Variants in CHD7 observed in about 807,000 individuals in gnomAD.
CHD7 encodes the protein ATP-dependent chromatin remodeler CHD7.
Under a neutral mutation model 307.3 loss-of-function variants are expected in CHD7, and 24 were observed. That is an observed-to-expected ratio of 0.08 (90% CI 0.06 to 0.11). The LOEUF (loss-of-function observed/expected upper bound fraction) is 0.11, where lower values mean the gene tolerates loss of function less well. Among genes scored for constraint, CHD7 ranks in the 10% least tolerant of loss-of-function variants. The pLI is 1.00. For missense variants in CHD7, 3,106 were observed against 3,727.1 expected, an observed-to-expected ratio of 0.83 and a Z score of 4.34; for synonymous variants, 1,363 against 1,349.9, an observed-to-expected ratio of 1.01 and a Z score of -0.21.
At chr8:60,782,542 A>G (rs1350436887) in intron 3 of CHD7, among the ~76,000 whole-genome samples, 1 of 152,218 alleles carries the variant, frequency 6.6e-6, no homozygotes, top group Admixed American at 6.5e-5. Context: ...CATTTAGGAA[A>G]TTTTGCCCTC....
At chr8:60,844,409 G>A (rs1030778711) in intron 21 of CHD7, among the ~76,000 whole-genome samples, 2 of 152,182 alleles carry the variant, frequency 1.3e-5, no homozygotes, top group Non-Finnish European at 2.9e-5. Context: ...TTAGAGGTGG[G>A]TTGATGCGGC....
At position 60,866,195 on chromosome 8, in the gene CHD7, T is replaced by C. The variant is rs949219667; in HGVS notation, c.*262T>C. On this transcript the variant is annotated 3_prime_UTR_variant, in exon 38 of 38. Transcript: ENST00000423902. ...CTTTTTAAGGAAACTTACATAATGC[T>C]CTGCTTTTTTTTTTTCTCTTGGTAC... The C allele has an allele frequency of 1.2e-5, 4 of 327,140 alleles. No individual in the cohort carries two copies. Among genetic ancestry groups the C allele is most frequent in the Admixed American group, 4.4e-5 (1 of 22,878 alleles). 20.3% of individuals were successfully genotyped at this position (327,140 alleles called of 1,614,324 possible). A position where few individuals can be genotyped will look rare whatever the true frequency, so the allele number is the denominator to read the frequency against.
rs773047607 is a variant in CHD7 at position 60,856,565 on chromosome 8, G to A, written c.7285G>A (p.Glu2429Lys). Residue 2429 changes from glutamate (E) to lysine (K), a missense_variant, in exon 34 of 38, where the codon GAG becomes AAG. By Grantham distance (56) the Glu-to-Lys change is moderately conservative. This residue lies in a region of CHD7 where 1,030 missense variants were observed against 1,165.4 expected (regional missense o/e 0.88). Coordinates refer to ENST00000423902, the MANE Select transcript of CHD7 (RefSeq NM_017780.4). ...NLMEMVAQLR[E>K]SQVVSENGQE... is the part of the protein sequence containing the mutation. ...CATGGAGATGGTTGCCCAGCTTCGA[G>A]AGTCTCAGGTGGTCTCAGAAAATGG... The A allele has an allele frequency of 3.1e-6, 5 of 1,614,078 alleles. No homozygotes were observed.
At chr8:60,760,208 A>G (rs1474113182) in intron 2 of CHD7, among the ~76,000 whole-genome samples, 1 of 152,204 alleles carries the variant, frequency 6.6e-6, no homozygotes, top group Non-Finnish European at 1.5e-5. Flanking sequence ...GTATCTGAAG[A>G]CGGTGGAGGC....
At chr8:60,797,527 A>G (rs1812089437) in intron 4 of CHD7, among the ~76,000 whole-genome samples, 1 of 152,192 alleles carries the variant, frequency 6.6e-6, no homozygotes, top group African/African-American at 2.4e-5. Flanking sequence ...CATAAAGTGG[A>G]TTTGTCTTAG....
At chr8:60,799,398 T>C (rs1353840356) in intron 4 of CHD7, among the ~76,000 whole-genome samples, 1 of 152,234 alleles carries the variant, frequency 6.6e-6, no homozygotes, top group African/African-American at 2.4e-5. Context: ...ATCCTGCTAA[T>C]ACTGGCTATT....
intron 26 of CHD7, 127 bp from the exon 27 acceptor site, chr8:60,850,905 T>G: frequency 1.4e-6 from 1 of 723,338 alleles, no homozygotes; most frequent in East Asian, 2.7e-5. Context: ...ACTGATAGAG[T>G]TGCTTTTGAT....
Position 60,795,047 on chromosome 8 carries a change from G to A in CHD7, c.2158G>A (p.Glu720Lys). Residue 720 changes from glutamate to lysine, a missense_variant, in exon 4 of 38, where the codon GAA (glutamate) becomes AAA (lysine). This residue lies in a region of CHD7 where 998 missense variants were observed against 1,004.5 expected (regional missense o/e 0.99). Transcript: ENST00000423902. ...LKKKVNKGKT[E>K]GSENSDLDKT... ...GAAAAAGGTCAACAAGGGAAAAACAGAAGGTTCTGAAAATTCAGACTTAGA... is the reference window on the plus strand; with the variant it reads ...GAAAAAGGTCAACAAGGGAAAAACAAAAGGTTCTGAAAATTCAGACTTAGA... 1 of 1,613,848 alleles carries A rather than the reference G, an allele frequency of 6.2e-7. No homozygotes were observed. Among genetic ancestry groups the A allele is most frequent in the Non-Finnish European group, 8.5e-7 (1 of 1,179,774 alleles).
At chr8:60,840,357 C>A (rs1156808885) in intron 19 of CHD7, among the ~76,000 whole-genome samples, 1 of 152,186 alleles carries the variant, frequency 6.6e-6, no homozygotes, top group Admixed American at 6.5e-5. Context: ...AAACTTATCA[C>A]CCCTGTCTCT....
intron 19 of CHD7, among the ~76,000 whole-genome samples, chr8:60,840,116 C>CT (rs1239537185): frequency 6.6e-6 from 1 of 152,128 alleles, no homozygotes; most frequent in Non-Finnish European, 1.5e-5. Context: ...GTTTTTAACT[C>CT]TTACATTTTG....
Position 60,851,975 on chromosome 8 carries a change from A to G in CHD7, c.5666-44A>G, listed in dbSNP as rs144069341. On this transcript the variant is annotated intron_variant, in intron 28 of 37. Transcript: ENST00000423902. ...TTTTGTTGGAATACTCTGTATTGCAAGATTGCAGCTACACATTTCAAAAAT... is the reference window on the plus strand; with the variant it reads ...TTTTGTTGGAATACTCTGTATTGCAGGATTGCAGCTACACATTTCAAAAAT... 1.2e-5 allele frequency: 16 copies of G among 1,378,870 alleles called. No homozygotes were observed. The African/African-American group carries it at 1.9e-4, about 16-fold the overall frequency. 85.4% of individuals were successfully genotyped at this position (1,378,870 alleles called of 1,614,324 possible). A position where few individuals can be genotyped will look rare whatever the true frequency, so the allele number is the denominator to read the frequency against.
intron 1 of CHD7, among the ~76,000 whole-genome samples, chr8:60,680,405 G>C (rs1213046187): frequency 9.4e-5 from 12 of 128,060 alleles, no homozygotes; most frequent in East Asian, 2.4e-4. Flanking sequence ...TCGCGGGGGG[G>C]GGGGGCGGGG....
intron 1 of CHD7, among the ~76,000 whole-genome samples, chr8:60,729,416 T>C (rs573442231): frequency 4.6e-5 from 7 of 152,348 alleles, no homozygotes; most frequent in Middle Eastern, 3.4e-3. Flanking sequence ...GAATTTGCTA[T>C]GTTTAGAGAT....
At chr8:60,744,912 G>A (rs1809249953) in intron 2 of CHD7, among the ~76,000 whole-genome samples, 1 of 150,864 alleles carries the variant, frequency 6.6e-6, no homozygotes, top group Admixed American at 6.6e-5. Context: ...TTAATACAGA[G>A]GCTCTGAAGC....
intron 34 of CHD7, 52 bp downstream of exon 34, chr8:60,856,940 G>A: frequency 6.9e-7 from 1 of 1,459,190 alleles, no homozygotes; most frequent in South Asian, 1.4e-5. Flanking sequence ...ACAGCTGAGG[G>A]TCCTGTGATG....
intron 2 of CHD7, among the ~76,000 whole-genome samples, chr8:60,758,094 T>C (rs1231951483): frequency 2.0e-5 from 3 of 152,198 alleles, no homozygotes; most frequent in Non-Finnish European, 4.4e-5. Flanking sequence ...AAAATAATAA[T>C]AACCCCCTTA....
chr8:60,855,188 G>A (rs981323452), intron 32 of CHD7: 2 of 152,146 alleles, frequency 1.3e-5, no homozygotes, highest in African/African-American at 2.4e-5. Flanking sequence ...GTCTTTCCCA[G>A]TATTATTGTG....
At chr8:60,848,326 T>G (rs1805301625) in intron 23 of CHD7, among the ~76,000 whole-genome samples, 189 bp from the exon 24 acceptor site, 1 of 152,200 alleles carries the variant, frequency 6.6e-6, no homozygotes, top group Admixed American at 6.5e-5. Flanking sequence ...GCAGGCCTGT[T>G]GGAAGCCAGC....
chr8:60,855,575 C>T (rs531057566), intron 32 of CHD7, among the ~76,000 whole-genome samples: 13 of 152,320 alleles, frequency 8.5e-5, no homozygotes, highest in East Asian at 7.7e-4. Context: ...AGGGCCAGGG[C>T]GGCAAGAAGC....
Sources: allele counts gnomAD v4.1 joint callset (sites outside exome capture counted in the v4.1 genomes callset), GRCh38; gene constraint gnomAD v4.1.1; regional missense constraint gnomAD v4.1.1; transcripts MANE v1.5; gene names NCBI Gene and HGNC (gene_info 2026-07-23, HGNC 2026-07-21).